Variants in TNS2 observed in about 807,000 individuals in gnomAD.
TNS2 encodes the protein tensin-2.
In TNS2, 77 loss-of-function variants were observed where a neutral mutation model predicts 155.7. The ratio of observed to expected loss-of-function variants is 0.49; its 90% CI spans 0.41 to 0.60. The LOEUF is 0.60. Ranked by LOEUF, TNS2 falls within the 20% of genes least tolerant of loss-of-function variation. The probability of loss-of-function intolerance (pLI) is 0.00; values close to 1 mark genes in which losing one functional copy is unlikely to be tolerated. For missense variants in TNS2, 1,703 were observed against 1,868.8 expected, an observed-to-expected ratio of 0.91 and a Z score of 1.64; for synonymous variants, 726 against 763.9, an observed-to-expected ratio of 0.95 and a Z score of 0.82.
rs374534529 is a variant in TNS2, at chr12:53,059,715, G to A, written c.2074G>A (p.Ala692Thr). The A allele has an allele frequency of 1.8e-5, 29 of 1,613,022 alleles. No homozygotes were observed. In the African/African-American group the frequency reaches 3.7e-4, roughly 21 times the overall value. ...PGLPALYPCP[A>T]CEEKLALPTA... ...GCTGCCTGCCCTATACCCATGCCCA[G>A]CCTGCGAGGAGAAGCTGGCGCTGCC... Residue 692 changes from alanine (A) to threonine (T), a missense_variant, in exon 18 of 29, where the codon GCC becomes ACC. Transcript: ENST00000314250. The surrounding 1 kb of genome is among the most constrained non-coding windows in gnomAD (Gnocchi z 4.7).
At chr12:53,048,345 C>T (rs12368584), upstream of TNS2, among the ~76,000 whole-genome samples, 80,622 of 152,016 alleles carry the variant, frequency 0.53, 24,850 homozygotes, top group Non-Finnish European at 0.71. Context: ...GGTGAGGGGA[C>T]TTTCAGCCCC....
chr12:53,048,806 C>T (rs1427610016), upstream of TNS2: 3 of 194,990 alleles, frequency 1.5e-5, no homozygotes, highest in Middle Eastern at 1.8e-3. Flanking sequence ...ATGCAGGATT[C>T]TTCATCCCAG....
intron 4 of TNS2, 85 bp downstream of exon 4, chr12:53,053,534 A>G (rs1944019424): frequency 9.6e-6 from 15 of 1,558,738 alleles, no homozygotes; most frequent in Non-Finnish European, 1.3e-5. Context: ...GAGGGCCCCC[A>G]GGAGATGACC....
In TNS2 at chr12:53,056,105, C is replaced by T. The variant is rs571008132; in HGVS notation, c.761+260C>T. ...GTGCGTTGGCTCACGCCTGTAATAC[C>T]AGCACTTTGGGAGGCTGAGGTGGGC... On this transcript the variant is annotated intron_variant, in intron 10 of 28. Coordinates refer to ENST00000314250, the MANE Select transcript of TNS2 (RefSeq NM_170754.4). The T allele has an allele frequency of 1.6e-4, 61 of 378,046 alleles. 1 individual carries two copies. The South Asian group carries it at 2.1e-3, about 13-fold the overall frequency. 23.4% of individuals were successfully genotyped at this position (378,046 alleles called of 1,614,324 possible).
chr12:53,051,950 C>G lies in TNS2; in HGVS notation c.171C>G (p.Gly57=). 6.2e-7 allele frequency: 1 copy of G among 1,613,028 alleles called. No individual in the cohort carries two copies. Among genetic ancestry groups the G allele is most frequent in the Non-Finnish European group, 8.5e-7 (1 of 1,179,456 alleles). The part of the protein sequence containing the change: ...AVCKVTIDGT[G]VSCRVCKVAT... ...GTAAGGTGACCATCGATGGGACAGG[C>G]GTTTCGTGCAGAGGTGAGGCTCTCT... The change falls in exon 2 of 29, where the codon GGC becomes GGG. Residue 57 remains glycine (G), a synonymous_variant. Coordinates refer to ENST00000314250, the MANE Select transcript of TNS2 (RefSeq NM_170754.4).
Position 53,057,066 on chromosome 12 carries a change from T to A in TNS2, c.815T>A (p.Val272Glu). The change falls in exon 11 of 29, where the codon GTG becomes GAG. Residue 272 changes from valine to glutamate, a missense_variant. Val to Glu is a moderately radical substitution (Grantham distance 121, BLOSUM62 -2). Transcript: ENST00000314250. ...ATGCGGAAATTCTGCGAGGACAAGG[T>A]GGCCACAGAACTGCAGCCCTCCCAG... Reference protein sequence around the residue: ...LTMRKFCEDKVATELQPSQRR... With the variant: ...LTMRKFCEDKEATELQPSQRR... 6.2e-7 allele frequency: 1 copy of A among 1,613,634 alleles called. No homozygotes were observed. Among genetic ancestry groups the A allele is most frequent in the Non-Finnish European group, 8.5e-7 (1 of 1,179,880 alleles).
chr12:53,063,223 G>A lies in TNS2; in HGVS notation c.3958G>A (p.Ala1320Thr), dbSNP rs186397299. The change falls in exon 26 of 29, where the codon GCC becomes ACC. Residue 1320 changes from alanine to threonine, a missense_variant. Transcript: ENST00000314250. The surrounding 1 kb of genome is among the most constrained non-coding windows in gnomAD (Gnocchi z 5.6). Reference sequence around the variant, plus strand: ...AGCTGTTGTCCACTTCAAGGTGTCAGCCCAGGGCATTACACTGACGGACAA... The same window carrying A: ...AGCTGTTGTCCACTTCAAGGTGTCAACCCAGGGCATTACACTGACGGACAA... ...TPAVVHFKVS[A>T]QGITLTDNQR... The A allele has an allele frequency of 1.4e-5, 23 of 1,612,926 alleles. No homozygotes were observed. The highest frequency in any genetic ancestry group is 8.3e-5 in the Admixed American group (5 of 59,954).
In TNS2 at chr12:53,050,342, G is replaced by A. The variant is rs562458306; in HGVS notation, c.75+82G>A. 6.9e-7 allele frequency: 1 copy of A among 1,439,998 alleles called. No homozygotes were observed. Among genetic ancestry groups the A allele is most frequent in the South Asian group, 1.4e-5 (1 of 71,930 alleles). The allele number at this position is 1,439,998 out of a possible 1,614,324, so 89.2% of individuals were successfully genotyped here. A position where few individuals can be genotyped will look rare whatever the true frequency, so the allele number is the denominator to read the frequency against. On this transcript the variant is annotated intron_variant, in intron 1 of 28. Coordinates refer to ENST00000314250, the MANE Select transcript of TNS2 (RefSeq NM_170754.4). This position sits in a 1 kb window ranked among gnomAD's most constrained non-coding sequence, Gnocchi z 4.7. Reference sequence around the variant, plus strand: ...GGGGAGGGGACCAGGAATCAGGCCAGGCCTTCTTCCCAATTTCAGCTTCCT... The same window carrying A: ...GGGGAGGGGACCAGGAATCAGGCCAAGCCTTCTTCCCAATTTCAGCTTCCT...
chr12:53,057,877 C>A, intron 13 of TNS2, 44 bp downstream of exon 13: 1 of 1,612,654 alleles, frequency 6.2e-7, no homozygotes, highest in Non-Finnish European at 8.5e-7. Context: ...ATGACCAGGG[C>A]CCCTCTTGCT....
Position 53,057,766 on chromosome 12 carries a change from C to T in TNS2, c.959-7C>T. The T allele has an allele frequency of 6.2e-7, 1 of 1,614,150 alleles. No homozygotes were observed. The highest frequency in any genetic ancestry group is 2.2e-5 in the East Asian group (1 of 44,886). On this transcript the variant is annotated splice_polypyrimidine_tract_variant and splice_region_variant and intron_variant, in intron 12 of 28. Transcript: ENST00000314250. ...CCCCTCCTGTGCCTTCTCCTCTGCC[C>T]CTCCAGGCTTCCAGCCCTTCCTTAA...
In TNS2 at chr12:53,061,075, T is replaced by C; in HGVS notation, c.3169T>C (p.Phe1057Leu). 6.2e-7 allele frequency: 1 copy of C among 1,612,272 alleles called. No homozygotes were observed. ...GCCTCAGAGCTCACCTACACCTGCT[T>C]TCCCCCTGGCTGCCTCCTATGACAC... ...EPPQSSPTPA[F>L]PLAASYDTNG... Residue 1057 changes from phenylalanine (F) to leucine (L), a missense_variant, in exon 20 of 29, where the codon TTC (phenylalanine) becomes CTC (leucine). Physicochemically the swap from Phe to Leu is conservative, Grantham distance 22. Coordinates refer to ENST00000314250, the MANE Select transcript of TNS2 (RefSeq NM_170754.4).
At position 53,060,317 on chromosome 12, in the gene TNS2, G is replaced by A. The variant is rs1231402587; in HGVS notation, c.2617+59G>A. 6.4e-7 allele frequency: 1 copy of A among 1,555,448 alleles called. No individual in the cohort carries two copies. Among genetic ancestry groups the A allele is most frequent in the Non-Finnish European group, 8.7e-7 (1 of 1,148,718 alleles). On this transcript the variant is annotated intron_variant, in intron 18 of 28. Coordinates refer to ENST00000314250, the MANE Select transcript of TNS2 (RefSeq NM_170754.4). This position sits in a 1 kb window ranked among gnomAD's most constrained non-coding sequence, Gnocchi z 6.1. ...AGAGGAGGTTCTGGAAGATGGTGGG[G>A]AAGTCAAGGGGGAACAGGGTGAGAA...
chr12:53,057,711 G>GA, intron 12 of TNS2, 32 bp downstream of exon 12: 3 of 1,613,930 alleles, frequency 1.9e-6, no homozygotes, highest in Non-Finnish European at 2.5e-6. Flanking sequence ...TCCCTAGGGA[G>GA]AACCACCTTC....
At position 53,058,812 on chromosome 12, in the gene TNS2, G is replaced by C; in HGVS notation, c.1390G>C (p.Glu464Gln). 6.2e-7 allele frequency: 1 copy of C among 1,613,662 alleles called. No individual in the cohort carries two copies. Among genetic ancestry groups the C allele is most frequent in the Non-Finnish European group, 8.5e-7 (1 of 1,179,980 alleles). The part of the protein sequence containing the change: ...DSYENFNQHH[E>Q]DSVDGSLTHT... ...CTATGAGAACTTCAACCAGCACCAC[G>C]AGGACAGTGTGGATGGTGCGCAGGC... The change falls in exon 17 of 29, where the codon GAG (glutamate) becomes CAG (glutamine). Residue 464 changes from glutamate to glutamine, a missense_variant. Transcript: ENST00000314250.
Position 53,055,764 on chromosome 12 carries a change from G to A in TNS2, c.697-17G>A. 6.2e-7 allele frequency: 1 copy of A among 1,614,212 alleles called. No individual in the cohort carries two copies. Among genetic ancestry groups the A allele is most frequent in the Admixed American group, 1.7e-5 (1 of 60,030 alleles). On this transcript the variant is annotated splice_polypyrimidine_tract_variant and intron_variant, in intron 9 of 28. Coordinates refer to ENST00000314250, the MANE Select transcript of TNS2 (RefSeq NM_170754.4). ...CTGGAGCTCCCAGACCCTCATCCCT[G>A]TCTCTCTGTCTGTCAGGGAAACAAG...
At position 53,053,398 on chromosome 12, in the gene TNS2, G is replaced by A. The variant is rs760514195; in HGVS notation, c.223-13G>A. On this transcript the variant is annotated splice_polypyrimidine_tract_variant and intron_variant, in intron 3 of 28. Coordinates refer to ENST00000314250, the MANE Select transcript of TNS2 (RefSeq NM_170754.4). The stretch of plus-strand genomic sequence containing the variant: ...TCACCAGGAGCTCAGTTCCTTACTC[G>A]GTCCCCTTCCAGGTGACTTCAGCCT... The A allele has an allele frequency of 2.7e-5, 44 of 1,613,832 alleles. No individual in the cohort carries two copies. The highest frequency in any genetic ancestry group is 6.7e-5 in the African/African-American group (5 of 74,874).
Position 53,060,924 on chromosome 12 carries a change from C to A in TNS2, c.3018C>A (p.Pro1006=). The change falls in exon 20 of 29, where the codon CCC becomes CCA. Residue 1006 remains proline (P), a synonymous_variant. Coordinates refer to ENST00000314250, the MANE Select transcript of TNS2 (RefSeq NM_170754.4). The surrounding 1 kb of genome is among the most constrained non-coding windows in gnomAD (Gnocchi z 6.1). ...GCGCCAGTCCTCGGAGCCCTGTGCC[C>A]ACCACACTTCCTGGCCTCCGCCACG... ...SDGASPRSPV[P]TTLPGLRHAP... 6.3e-7 allele frequency: 1 copy of A among 1,596,918 alleles called. No individual in the cohort carries two copies.
In TNS2 at chr12:53,063,586, C is replaced by T; in HGVS notation, c.4085C>T (p.Thr1362Ile). Residue 1362 changes from threonine (T) to isoleucine (I), a missense_variant, in exon 28 of 29, where the codon ACC (threonine) becomes ATC (isoleucine). Transcript: ENST00000314250. The surrounding 1 kb of genome is among the most constrained non-coding windows in gnomAD (Gnocchi z 5.6). Reference sequence around the variant, plus strand: ...AGATGGACCAACCCAGACGGGACCACCTCCAAGTAAGCCTCCCCACGAATT... The same window carrying T: ...AGATGGACCAACCCAGACGGGACCATCTCCAAGTAAGCCTCCCCACGAATT... The part of the protein sequence containing the change: ...DRRWTNPDGT[T>I]SKIFGFVAKK... The T allele has an allele frequency of 1.2e-6, 2 of 1,614,076 alleles. No individual in the cohort carries two copies. Among genetic ancestry groups the T allele is most frequent in the Non-Finnish European group, 1.7e-6 (2 of 1,180,012 alleles).
Position 53,060,590 on chromosome 12 carries a change from C to T in TNS2, c.2768+35C>T. On this transcript the variant is annotated intron_variant, in intron 19 of 28. Coordinates refer to ENST00000314250, the MANE Select transcript of TNS2 (RefSeq NM_170754.4). The surrounding 1 kb of genome is among the most constrained non-coding windows in gnomAD (Gnocchi z 6.1). Reference sequence around the variant, plus strand: ...GGGGCCGGGGATGCTCGAGTGCTTTCTTGTCCAAGCAGTTGATGAAGGCAG... The same window carrying T: ...GGGGCCGGGGATGCTCGAGTGCTTTTTTGTCCAAGCAGTTGATGAAGGCAG... 6.2e-7 allele frequency: 1 copy of T among 1,603,904 alleles called. No individual in the cohort carries two copies. The highest frequency in any genetic ancestry group is 8.5e-7 in the Non-Finnish European group (1 of 1,174,080).
Sources: gnomAD v4.1 joint callset for allele counts (sites outside exome capture counted in the v4.1 genomes callset) on GRCh38, gnomAD v4.1.1 for gene constraint, Gnocchi (gnomAD v3.1) non-coding constraint, MANE v1.5 for transcripts, NCBI Gene and HGNC (gene_info 2026-07-23, HGNC 2026-07-21) for gene names.